HECTD3: variants seen among roughly 807,000 people sequenced by gnomAD.
The protein encoded by HECTD3 is HECT domain E3 ubiquitin protein ligase 3.
Under a neutral mutation model 109.3 loss-of-function variants are expected in HECTD3, and 72 were observed. The ratio of observed to expected loss-of-function variants is 0.66; its 90% CI spans 0.54 to 0.80. HECTD3 has a LOEUF of 0.80. Ranked by LOEUF, HECTD3 falls within the 30% of genes least tolerant of loss-of-function variation. HECTD3 has a pLI of 0.00. For missense variants in HECTD3, 1,041 were observed against 1,165.2 expected (o/e 0.89, Z 1.55); for synonymous variants, 481 against 471.8 (o/e 1.02, Z -0.25).
Position 45,006,397 on chromosome 1 carries a change from C to T in HECTD3, c.1726-281G>A, listed in dbSNP as rs1156399712. On this transcript the variant is annotated intron_variant, in intron 13 of 20. Coordinates refer to ENST00000372172, the MANE Select transcript of HECTD3 (RefSeq NM_024602.6). This position sits in a 1 kb window ranked among gnomAD's most constrained non-coding sequence, Gnocchi z 4.7. The stretch of plus-strand genomic sequence containing the variant: ...CTCGGCTCACTGCAACCTCCGTCTC[C>T]TGGGTTCAAGCGAGTCGCCTGCTTC... 2.6e-5 allele frequency among the ~76,000 whole-genome samples: 4 copies of T among 151,948 alleles called. No individual in the cohort carries two copies. Among genetic ancestry groups the T allele is most frequent in the African/African-American group, 9.7e-5 (4 of 41,376 alleles).
Position 45,010,611 on chromosome 1 carries a change from G to C in HECTD3, c.465C>G (p.Ile155Met). Residue 155 changes from isoleucine to methionine, a missense_variant, in exon 2 of 21, where the codon ATC (isoleucine) becomes ATG (methionine). Ile to Met is a conservative substitution (Grantham distance 10). This residue lies in a region of HECTD3 where 472 missense variants were observed against 449.9 expected (regional missense o/e 1.05). Transcript: ENST00000372172. ...PAEGGARLVPIDTPNHLQRQQ... is the reference protein window; with the variant it reads ...PAEGGARLVPMDTPNHLQRQQ... ...GCCGCTGGAGGTGGTTGGGAGTGTC[G>C]ATGGGTACCAGGCGGGCTCCGCCCT... 2 of 1,612,830 alleles carry C rather than the reference G, an allele frequency of 1.2e-6. No individual in the cohort carries two copies. Among genetic ancestry groups the C allele is most frequent in the Non-Finnish European group, 1.7e-6 (2 of 1,179,876 alleles).
At position 45,006,062 on chromosome 1, in the gene HECTD3, C is replaced by A. The variant is rs1425664200; in HGVS notation, c.1780G>T (p.Asp594Tyr). The A allele has an allele frequency of 2.5e-6, 4 of 1,614,184 alleles. No individual in the cohort carries two copies. The South Asian group carries it at 4.4e-5, about 18-fold the overall frequency. ...DMYVPNPSCR[D>Y]FAKYEWIGQL... is the part of the protein sequence containing the mutation. ...CCGATCCATTCATACTTGGCAAAGT[C>A]TCGGCAGGAGGGGTTGGGTACATAC... The change falls in exon 14 of 21, where the codon GAC (aspartate) becomes TAC (tyrosine). Residue 594 changes from aspartate (D) to tyrosine (Y), a missense_variant. Transcript: ENST00000372172. The surrounding 1 kb of genome is among the most constrained non-coding windows in gnomAD (Gnocchi z 4.7).
chr1:45,006,991 C>G lies in HECTD3; in HGVS notation c.1581G>C (p.Trp527Cys), dbSNP rs776132645. The stretch of plus-strand genomic sequence containing the variant: ...CTTCTGCAATAAATTTACACTCCCA[C>G]CACTGGTCATAGCGCATGGGCCACC... ...DYRWPMRYDQ[W>C]WECKFIAEGI... The change falls in exon 12 of 21, where the codon TGG (tryptophan) becomes TGC (cysteine). Residue 527 changes from tryptophan (W) to cysteine (C), a missense_variant. Physicochemically the swap from Trp to Cys is radical, Grantham distance 215. Transcript: ENST00000372172. This position sits in a 1 kb window ranked among gnomAD's most constrained non-coding sequence, Gnocchi z 4.7. 6.2e-7 allele frequency: 1 copy of G among 1,614,022 alleles called. No individual in the cohort carries two copies. The highest frequency in any genetic ancestry group is 1.3e-5 in the African/African-American group (1 of 74,916).
At chr1:45,007,716 T>G in intron 9 of HECTD3, 121 bp from the exon 10 acceptor site, 1 of 832,132 alleles carries the variant, frequency 1.2e-6, no homozygotes, top group Non-Finnish European at 1.9e-6. Flanking sequence ...AGTCCATCCC[T>G]GTCTTTGTCT....
Position 45,010,581 on chromosome 1 carries a change from C to T in HECTD3, c.495G>A (p.Gln165=). 1 of 1,613,542 alleles carries T rather than the reference C, an allele frequency of 6.2e-7. No individual in the cohort carries two copies. Among genetic ancestry groups the T allele is most frequent in the Non-Finnish European group, 8.5e-7 (1 of 1,179,986 alleles). Residue 165 remains glutamine, a synonymous_variant, in exon 2 of 21, where the codon CAG becomes CAA. Transcript: ENST00000372172. ...GCCGATAATCCACGCCAAAGAGCTG[C>T]TGCTGCCGCTGGAGGTGGTTGGGAG... ...IDTPNHLQRQ[Q]QLFGVDYRPV...
intron 11 of HECTD3, 27 bp from the exon 12 acceptor site, chr1:45,007,042 A>T: frequency 6.2e-7 from 1 of 1,613,480 alleles, no homozygotes; most frequent in South Asian, 1.1e-5. Flanking sequence ...CAGATTTGTC[A>T]TTATGTGGGG....
intron 17 of HECTD3, 34 bp downstream of exon 17, chr1:45,004,214 G>GCTGCCCTGCC (rs369750324): frequency 2.5e-6 from 4 of 1,613,884 alleles, no homozygotes; most frequent in Non-Finnish European, 3.4e-6. Flanking sequence ...GCTGTGCTGT[G>GCTGCCCTGCC]CTGCCCTGCC....
At chr1:45,009,080 A>C (rs1644760211) in intron 7 of HECTD3, 64 bp downstream of exon 7, 1 of 1,255,614 alleles carries the variant, frequency 8.0e-7, no homozygotes, top group Non-Finnish European at 1.2e-6. Flanking sequence ...CTCCACACAC[A>C]CTCTCTGTTT....
At position 45,007,414 on chromosome 1, in the gene HECTD3, T is replaced by G. The variant is rs759578296; in HGVS notation, c.1502A>C (p.Gln501Pro). ...DPACKNAVFT[Q>P]VYEGLKPSDK... ...AGTCGGACCCTAGGTGGTGCAGACC[T>G]GGGTGAAGACTGCATTCTTGCAGGC... is the stretch of plus-strand genomic sequence containing the variant. Residue 501 changes from glutamine to proline, a missense_variant and splice_region_variant, in exon 10 of 21, where the codon CAG (glutamine) becomes CCG (proline). Gln to Pro is a moderately conservative substitution (Grantham distance 76). Around this residue, in one of 2 missense-constraint regions of HECTD3, gnomAD observed 569 missense variants for 715.3 expected, o/e 0.80. Transcript: ENST00000372172. 5.0e-6 allele frequency: 8 copies of G among 1,614,116 alleles called. No individual in the cohort carries two copies. Among genetic ancestry groups the G allele is most frequent in the Non-Finnish European group, 6.8e-6 (8 of 1,180,006 alleles).
chr1:45,008,784 C>T, intron 7 of HECTD3, 83 bp from the exon 8 acceptor site: 2 of 1,366,006 alleles, frequency 1.5e-6, no homozygotes, highest in Non-Finnish European at 2.1e-6. Flanking sequence ...TCCTTGAACG[C>T]TCAGCCTTGT....
Position 45,009,646 on chromosome 1 carries a change from G to A in HECTD3, c.797C>T (p.Ala266Val). 1 of 1,614,082 alleles carries A rather than the reference G, an allele frequency of 6.2e-7. No individual in the cohort carries two copies. The highest frequency in any genetic ancestry group is 1.1e-5 in the South Asian group (1 of 91,078). The change falls in exon 5 of 21, where the codon GCC (alanine) becomes GTC (valine). Residue 266 changes from alanine (A) to valine (V), a missense_variant. By Grantham distance (64) the Ala-to-Val change is moderately conservative. Around this residue, in one of 2 missense-constraint regions of HECTD3, gnomAD observed 472 missense variants for 449.9 expected, o/e 1.05. Coordinates refer to ENST00000372172, the MANE Select transcript of HECTD3 (RefSeq NM_024602.6). ...FNVSCLTDSN[A>V]DTYWESDGSQ... ...CCCATCGCTCTCCCAGTAGGTATCG[G>A]CATTGCTGTCTGTCAGGCAGGACAC...
chr1:45,007,452 G>A lies in HECTD3; in HGVS notation c.1464C>T (p.Pro488=). 2 of 1,614,168 alleles carry A rather than the reference G, an allele frequency of 1.2e-6. No homozygotes were observed. The highest frequency in any genetic ancestry group is 8.5e-7 in the Non-Finnish European group (1 of 1,180,042). The part of the protein sequence containing the change: ...RRLAMEHRAC[P]SRDPACKNAV... ...CATTCTTGCAGGCAGGGTCTCGAGA[G>A]GGGCAGGCACGGTGTTCCATGGCAA... Residue 488 remains proline (P), a synonymous_variant, in exon 10 of 21, where the codon CCC becomes CCT. Transcript: ENST00000372172.
chr1:45,005,403 T>G, intron 15 of HECTD3: 1 of 201,454 alleles, frequency 5.0e-6, no homozygotes. Flanking sequence ...GAGGAAGACT[T>G]AAGAATATGG....
Position 45,010,669 on chromosome 1 carries a change from T to C in HECTD3, c.407A>G (p.Gln136Arg), listed in dbSNP as rs571310764. Residue 136 changes from glutamine (Q) to arginine (R), a missense_variant, in exon 2 of 21, where the codon CAG (glutamine) becomes CGG (arginine). This residue lies in a region of HECTD3 where 472 missense variants were observed against 449.9 expected (regional missense o/e 1.05). Transcript: ENST00000372172. ...GCGGCACACCAGCAGCCAGCCTTCC[T>C]GCAGCCCGCAGTCGCCCAGGTGCTC... is the stretch of plus-strand genomic sequence containing the variant. ...LAEHLGDCGL[Q>R]EGWLLVCRPA... 122 of 1,584,570 alleles carry C rather than the reference T, an allele frequency of 7.7e-5. No individual in the cohort carries two copies. The South Asian group carries it at 1.3e-3, about 16-fold the overall frequency.
Position 45,007,225 on chromosome 1 carries a change from TC to T in HECTD3, c.1549del (p.Asp517ThrfsTer88). 6.2e-7 allele frequency: 1 copy of T among 1,613,186 alleles called. No individual in the cohort carries two copies. The highest frequency in any genetic ancestry group is 8.5e-7 in the Non-Finnish European group (1 of 1,179,508). On this transcript the variant is annotated frameshift_variant, in exon 11 of 21. Coordinates refer to ENST00000372172, the MANE Select transcript of HECTD3 (RefSeq NM_024602.6). LOFTEE classifies it high-confidence loss of function. The stretch of plus-strand genomic sequence containing the variant: ...CCTCACTCTCATGCCATACCTGTAG[TC>T]CAGGGGCTTTTCATATTTGTCAGAG... ...KPSDKYEKPL[D>X]YRWPMRYDQW...
intron 15 of HECTD3, 90 bp downstream of exon 15, chr1:45,005,704 G>T: frequency 1.0e-6 from 1 of 998,518 alleles, no homozygotes; most frequent in Non-Finnish European, 1.5e-6. Context: ...GATCTTGTGT[G>T]TGGTGAAAGA....
Position 45,005,643 on chromosome 1 carries a change from A to T in HECTD3, c.1935+151T>A, listed in dbSNP as rs115482262. ...GCTAGAGGTCAGGATTTTAGGGGTC[A>T]CGAGTCTACAGACAGTAGTTGAAGC... is the stretch of plus-strand genomic sequence containing the variant. On this transcript the variant is annotated intron_variant, in intron 15 of 20. Coordinates refer to ENST00000372172, the MANE Select transcript of HECTD3 (RefSeq NM_024602.6). The T allele has an allele frequency of 9.3e-4, 550 of 593,852 alleles. 2 individuals are homozygous for T. In the African/African-American group the frequency reaches 9.6e-3, roughly 10 times the overall value. 36.8% of individuals were successfully genotyped at this position (593,852 alleles called of 1,614,324 possible). A position where few individuals can be genotyped will look rare whatever the true frequency, so the allele number is the denominator to read the frequency against.
intron 2 of HECTD3, 125 bp downstream of exon 2, chr1:45,010,421 C>T (rs1021793340): frequency 2.0e-6 from 3 of 1,471,634 alleles, no homozygotes; most frequent in Non-Finnish European, 2.8e-6. Context: ...CACGTCCCGC[C>T]CCTTTCTGCT....
At chr1:45,010,844 G>C in intron 1 of HECTD3, 45 bp downstream of exon 1, 1 of 1,506,146 alleles carries the variant, frequency 6.6e-7, no homozygotes, top group Non-Finnish European at 8.8e-7. Flanking sequence ...AGGTTTCTCT[G>C]GCCCCAGGGG....
Sources: gnomAD v4.1 joint callset for allele counts (sites outside exome capture counted in the v4.1 genomes callset) on GRCh38, gnomAD v4.1.1 for gene constraint, gnomAD v4.1.1 regional missense constraint, Gnocchi (gnomAD v3.1) non-coding constraint, MANE v1.5 for transcripts, NCBI Gene and HGNC (gene_info 2026-07-23, HGNC 2026-07-21) for gene names.